SCFD1: variants seen among roughly 807,000 people sequenced by gnomAD.
SCFD1 encodes the protein sec1 family domain-containing protein 1.
SCFD1 carries 37 observed loss-of-function variants against 103.2 expected under a neutral mutation model. The ratio of observed to expected loss-of-function variants is 0.36; its 90% CI spans 0.28 to 0.47. The LOEUF (loss-of-function observed/expected upper bound fraction) is 0.47. Among genes scored for constraint, SCFD1 ranks in the 20% least tolerant of loss-of-function variants. SCFD1 has a pLI of 1.00. For missense variants in SCFD1, 639 were observed against 761.2 expected, an observed-to-expected ratio of 0.84 and a Z score of 1.89; for synonymous variants, 264 against 245.0, an observed-to-expected ratio of 1.08 and a Z score of -0.73.
chr14:30,669,942 C>T, intron 10 of SCFD1: 1 of 208,380 alleles, frequency 4.8e-6, no homozygotes, highest in Non-Finnish European at 9.4e-6. Flanking sequence ...TAACATGTAC[C>T]CTGTAATCCC....
At chr14:30,625,902 A>C (rs895000807) in intron 1 of SCFD1, among the ~76,000 whole-genome samples, 2 of 152,046 alleles carry the variant, frequency 1.3e-5, no homozygotes, top group Non-Finnish European at 2.9e-5. Flanking sequence ...TGTGCAGCAT[A>C]CTAAACACCT....
At chr14:30,622,940 T>C (rs1035654983) in intron 1 of SCFD1, among the ~76,000 whole-genome samples, 2 of 152,224 alleles carry the variant, frequency 1.3e-5, no homozygotes, top group Non-Finnish European at 2.9e-5. Flanking sequence ...GCAAAACAAA[T>C]GAATTAATAG....
chr14:30,632,182 G>GT (rs1405609690), intron 3 of SCFD1, among the ~76,000 whole-genome samples: 10 of 151,144 alleles, frequency 6.6e-5, no homozygotes, highest in Non-Finnish European at 1.5e-4. Context: ...TATTTATGAT[G>GT]TTATAACCAA....
chr14:30,726,704 C>T (rs1369986300), intron 23 of SCFD1, among the ~76,000 whole-genome samples: 1 of 152,092 alleles, frequency 6.6e-6, no homozygotes. Context: ...TGTGTCTTCC[C>T]ATCTTTATGT....
intron 24 of SCFD1, chr14:30,735,087 G>C (rs1893746042): frequency 2.4e-6 from 1 of 422,076 alleles, no homozygotes; most frequent in Admixed American, 3.9e-5. Flanking sequence ...CTTTTCTTTG[G>C]CTTTTAATGA....
intron 14 of SCFD1, among the ~76,000 whole-genome samples, chr14:30,677,299 T>C (rs922369441): frequency 1.3e-5 from 2 of 152,092 alleles, no homozygotes; most frequent in African/African-American, 2.4e-5. Flanking sequence ...TAACTAAGAC[T>C]ATTGGTGCAT....
At chr14:30,667,616 G>T (rs1048157340) in intron 10 of SCFD1, among the ~76,000 whole-genome samples, 1 of 152,126 alleles carries the variant, frequency 6.6e-6, no homozygotes, top group Non-Finnish European at 1.5e-5. Context: ...AAGTCAAATT[G>T]TCCCTGTTGG....
chr14:30,683,284 C>G, intron 14 of SCFD1: 2 of 913,486 alleles, frequency 2.2e-6, no homozygotes, highest in Non-Finnish European at 3.3e-6. Flanking sequence ...GGTGTCCACA[C>G]TGGGATAGTA....
intron 14 of SCFD1, among the ~76,000 whole-genome samples, chr14:30,690,775 G>A (rs367772983): frequency 4.6e-5 from 7 of 152,168 alleles, no homozygotes; most frequent in South Asian, 2.1e-4. Flanking sequence ...CGTCTTCTGC[G>A]TCGCTCACGC....
At chr14:30,675,563 G>A (rs1417354501) in intron 14 of SCFD1, among the ~76,000 whole-genome samples, 2 of 152,130 alleles carry the variant, frequency 1.3e-5, no homozygotes, top group African/African-American at 4.8e-5. Flanking sequence ...TCTATATATT[G>A]TTATAGTTCT....
chr14:30,699,871 A>G (rs889749346), intron 15 of SCFD1, among the ~76,000 whole-genome samples: 3 of 152,182 alleles, frequency 2.0e-5, no homozygotes, highest in Admixed American at 2.0e-4. Flanking sequence ...TCAGAATTGT[A>G]TGGTTACCCT....
intron 4 of SCFD1, chr14:30,634,685 A>G (rs229155): frequency 0.43 from 166,878 of 390,368 alleles, 40,428 homozygotes; most frequent in African/African-American, 0.78. Flanking sequence ...GGAAGTCCAC[A>G]CTGGTGCAGA....
rs754282554 is a variant in SCFD1 at position 30,734,764 on chromosome 14, C to CTAAG, written c.1837-24_1837-21dup. 2.6e-6 allele frequency: 4 copies of CTAAG among 1,563,212 alleles called. No homozygotes were observed. The African/African-American group carries it at 5.4e-5, about 21-fold the overall frequency. ...TGAATATATTTCTTGTTACTTGTAT[C>CTAAG]TAAGTTCTGACTCTGATTTTTACAG... On this transcript the variant is annotated intron_variant, in intron 23 of 24. Transcript: ENST00000458591.
intron 23 of SCFD1, among the ~76,000 whole-genome samples, chr14:30,727,020 A>G (rs993432277): frequency 3.9e-5 from 6 of 152,178 alleles, no homozygotes; most frequent in Admixed American, 3.3e-4. Flanking sequence ...GCGAGGGAAG[A>G]CAAAAGTTTT....
At position 30,645,644 on chromosome 14, in the gene SCFD1, T is replaced by G. The variant is rs569781608; in HGVS notation, c.613+2239T>G. ...TCTCAGCTTGGATATTATTGGTGTA[T>G]AGAAATGCTGCTGGTTTTTGTACAT... On this transcript the variant is annotated intron_variant, in intron 7 of 24. Coordinates refer to ENST00000458591, the MANE Select transcript of SCFD1 (RefSeq NM_016106.4). 2.4e-4 allele frequency among the ~76,000 whole-genome samples: 36 copies of G among 152,336 alleles called. No homozygotes were observed. In the South Asian group the frequency reaches 7.0e-3, roughly 30 times the overall value.
intron 17 of SCFD1, among the ~76,000 whole-genome samples, chr14:30,704,994 G>T (rs1184305663): frequency 1.3e-5 from 2 of 152,130 alleles, no homozygotes; most frequent in Non-Finnish European, 2.9e-5. Flanking sequence ...TCTCTACAGT[G>T]AAAATACTCT....
chr14:30,723,304 C>T (rs1053280095), intron 23 of SCFD1, among the ~76,000 whole-genome samples: 2 of 152,114 alleles, frequency 1.3e-5, no homozygotes, highest in Non-Finnish European at 2.9e-5. Context: ...CTATCTGTTT[C>T]ATAGGACACG....
chr14:30,649,628 A>C, intron 8 of SCFD1, 45 bp downstream of exon 8: 5 of 1,437,670 alleles, frequency 3.5e-6, no homozygotes, highest in Non-Finnish European at 4.7e-6. Context: ...ACATTGTGTG[A>C]ATTGTTTTCC....
chr14:30,712,567 A>G (rs1279611732), intron 19 of SCFD1, among the ~76,000 whole-genome samples: 1 of 152,208 alleles, frequency 6.6e-6, no homozygotes, highest in East Asian at 1.9e-4. Context: ...AAATAAAGTT[A>G]CCATTGTTTT....
Sources: gnomAD v4.1 joint callset for allele counts (sites outside exome capture counted in the v4.1 genomes callset) on GRCh38, gnomAD v4.1.1 for gene constraint, MANE v1.5 for transcripts, NCBI Gene and HGNC (gene_info 2026-07-23, HGNC 2026-07-21) for gene names.